PAPPA2: variants seen among roughly 807,000 people sequenced by gnomAD.
PAPPA2 encodes the protein pappalysin-2.
Under a neutral mutation model 176.4 loss-of-function variants are expected in PAPPA2, and 86 were observed. The ratio of observed to expected loss-of-function variants is 0.49; its 90% CI spans 0.41 to 0.58. The LOEUF (loss-of-function observed/expected upper bound fraction) is 0.58, where lower values mean the gene tolerates loss of function less well. Among genes scored for constraint, PAPPA2 ranks in the 20% least tolerant of loss-of-function variants. PAPPA2 has a pLI of 0.00. For synonymous variants in PAPPA2, 809 were observed against 852.2 expected (o/e 0.95, Z 0.88); for missense variants, 2,073 against 2,256.9 (o/e 0.92, Z 1.65).
chr1:176,758,889 A>G (rs551309733), intron 14 of PAPPA2, among the ~76,000 whole-genome samples: 1 of 152,218 alleles, frequency 6.6e-6, no homozygotes, highest in South Asian at 2.1e-4. Flanking sequence ...ACTCAATACC[A>G]TGTTAAAGCT....
chr1:176,526,672 C>A (rs181027092), intron 1 of PAPPA2, among the ~76,000 whole-genome samples: 33 of 152,314 alleles, frequency 2.2e-4, no homozygotes, highest in African/African-American at 7.9e-4. Flanking sequence ...AAGCTGCCCT[C>A]CCCTTGTTCC....
chr1:176,489,150 T>C (rs893827142), intron 1 of PAPPA2, among the ~76,000 whole-genome samples: 1 of 152,160 alleles, frequency 6.6e-6, no homozygotes, highest in Non-Finnish European at 1.5e-5. Context: ...AAAGATAAGT[T>C]TTATGACACA....
chr1:176,733,028 A>C (rs1226534802), intron 12 of PAPPA2, among the ~76,000 whole-genome samples: 2 of 152,176 alleles, frequency 1.3e-5, no homozygotes, highest in African/African-American at 4.8e-5. Flanking sequence ...TGCACATGCA[A>C]GGGATCTAGG....
chr1:176,688,976 T>G (rs1234506656), intron 4 of PAPPA2, among the ~76,000 whole-genome samples: 4 of 152,096 alleles, frequency 2.6e-5, no homozygotes, highest in African/African-American at 9.7e-5. Flanking sequence ...CAGAAGACTA[T>G]TGATATAGGG....
chr1:176,816,152 G>GTGTATA (rs1428455900), intron 21 of PAPPA2, among the ~76,000 whole-genome samples: 2 of 42,276 alleles, frequency 4.7e-5, no homozygotes, highest in African/African-American at 1.6e-4. Flanking sequence ...CTTTCACAGT[G>GTGTATA]TATATATATA....
intron 15 of PAPPA2, 149 bp from the exon 16 acceptor site, chr1:176,769,458 C>A: frequency 1.4e-6 from 1 of 738,048 alleles, no homozygotes. Context: ...TATATTAAAA[C>A]AGTGAGGCCT....
chr1:176,788,535 G>T (rs1440510397), intron 17 of PAPPA2, among the ~76,000 whole-genome samples: 1 of 152,234 alleles, frequency 6.6e-6, no homozygotes, highest in Admixed American at 6.5e-5. Context: ...AAGCTTATCT[G>T]TAACCAGGAG....
At chr1:176,607,151 G>T (rs1353424668) in intron 3 of PAPPA2, among the ~76,000 whole-genome samples, 1 of 152,138 alleles carries the variant, frequency 6.6e-6, no homozygotes, top group Non-Finnish European at 1.5e-5. Flanking sequence ...AACGTGTAAT[G>T]ATTAAGTCAG....
chr1:176,676,127 G>T (rs1338878255), intron 4 of PAPPA2, among the ~76,000 whole-genome samples: 1 of 151,980 alleles, frequency 6.6e-6, no homozygotes, highest in East Asian at 1.9e-4. Flanking sequence ...ATACATTGAT[G>T]GTGGGAAAGT....
intron 3 of PAPPA2, among the ~76,000 whole-genome samples, chr1:176,619,865 G>A (rs1262909101): frequency 7.9e-6 from 1 of 126,164 alleles, no homozygotes; most frequent in Non-Finnish European, 1.8e-5. Context: ...AAGTAACTCA[G>A]TAAACTCATA....
chr1:176,647,000 G>A (rs760274590), intron 3 of PAPPA2, among the ~76,000 whole-genome samples: 4 of 151,484 alleles, frequency 2.6e-5, no homozygotes, highest in Non-Finnish European at 5.9e-5. Flanking sequence ...GTTCTTGATA[G>A]TGATTGTACT....
At chr1:176,546,380 G>A (rs911208135) in intron 1 of PAPPA2, among the ~76,000 whole-genome samples, 4 of 151,988 alleles carry the variant, frequency 2.6e-5, no homozygotes, top group Non-Finnish European at 5.9e-5. Context: ...ATTTGGGTGG[G>A]GAATATGATA....
intron 12 of PAPPA2, among the ~76,000 whole-genome samples, chr1:176,723,794 C>T (rs1322037568): frequency 1.3e-5 from 2 of 152,008 alleles, no homozygotes; most frequent in African/African-American, 4.8e-5. Flanking sequence ...TAAGAATTTT[C>T]TTAAATATAA....
At chr1:176,767,698 G>T (rs529942644) in intron 15 of PAPPA2, among the ~76,000 whole-genome samples, 104 of 152,288 alleles carry the variant, frequency 6.8e-4, no homozygotes, top group African/African-American at 2.4e-3. Flanking sequence ...AGCCAGACTT[G>T]CAGGCTGTGT....
At chr1:176,788,207 C>T (rs749730045) in intron 17 of PAPPA2, among the ~76,000 whole-genome samples, 5 of 152,148 alleles carry the variant, frequency 3.3e-5, no homozygotes, top group Non-Finnish European at 2.9e-5. Context: ...TACTTAATGC[C>T]GAATATAAAC....
At chr1:176,542,986 A>G (rs1301071157) in intron 1 of PAPPA2, among the ~76,000 whole-genome samples, 1 of 152,190 alleles carries the variant, frequency 6.6e-6, no homozygotes, top group Non-Finnish European at 1.5e-5. Flanking sequence ...TTCCTTCAAA[A>G]AGACAGTTTT....
intron 2 of PAPPA2, among the ~76,000 whole-genome samples, chr1:176,582,436 G>A (rs1267962609): frequency 2.6e-5 from 4 of 152,132 alleles, no homozygotes; most frequent in East Asian, 1.9e-4. Flanking sequence ...TGTTCAGTAC[G>A]ATATTAGCGG....
At chr1:176,830,987 C>A (rs958264221) in intron 21 of PAPPA2, among the ~76,000 whole-genome samples, 1 of 152,194 alleles carries the variant, frequency 6.6e-6, no homozygotes, top group East Asian at 1.9e-4. Context: ...GGAATAAAAT[C>A]TTGACAAATG....
At chr1:176,754,196 G>T (rs1287220724) in intron 14 of PAPPA2, among the ~76,000 whole-genome samples, 7 of 152,056 alleles carry the variant, frequency 4.6e-5, no homozygotes, top group Non-Finnish European at 8.8e-5. Flanking sequence ...GAACTAGCTG[G>T]GTGGAAGCTT....
Sources: allele counts gnomAD v4.1 joint callset (sites outside exome capture counted in the v4.1 genomes callset), GRCh38; gene constraint gnomAD v4.1.1; transcripts MANE v1.5; gene names NCBI Gene and HGNC (gene_info 2026-07-23, HGNC 2026-07-21).